RASGRP1: variants seen among roughly 807,000 people sequenced by gnomAD.
RASGRP1 encodes RAS guanyl releasing protein 1.
Under a neutral mutation model 95.1 loss-of-function variants are expected in RASGRP1, and 37 were observed. The ratio of observed to expected loss-of-function variants is 0.39; its 90% CI spans 0.30 to 0.51. RASGRP1 has a LOEUF of 0.51. Ranked by LOEUF, RASGRP1 falls within the 20% of genes least tolerant of loss-of-function variation. The probability of loss-of-function intolerance (pLI) is 0.80; values close to 1 mark genes in which losing one functional copy is unlikely to be tolerated. For synonymous variants in RASGRP1, 325 were observed against 353.4 expected (o/e 0.92, Z 0.90); for missense variants, 711 against 965.4 (o/e 0.74, Z 3.49).
At chr15:38,525,683 T>A (rs747569189) in intron 3 of RASGRP1, among the ~76,000 whole-genome samples, 3 of 152,172 alleles carry the variant, frequency 2.0e-5, no homozygotes, top group Non-Finnish European at 4.4e-5. Flanking sequence ...TGCTAAACGG[T>A]CTCACTCCGC....
At chr15:38,534,925 C>T (rs564511831) in intron 2 of RASGRP1, among the ~76,000 whole-genome samples, 1 of 152,282 alleles carries the variant, frequency 6.6e-6, no homozygotes, top group Admixed American at 6.5e-5. Context: ...TCTAGGTACA[C>T]AGGAACAGAC....
At chr15:38,519,081 T>C (rs181520890) in intron 4 of RASGRP1, among the ~76,000 whole-genome samples, 1 of 152,344 alleles carries the variant, frequency 6.6e-6, no homozygotes, top group African/African-American at 2.4e-5. Flanking sequence ...CCTTTAATTA[T>C]TTCTGTATTC....
rs1450643092 is a variant in RASGRP1 at position 38,541,213 on chromosome 15, C to T, written c.221-14809G>A. 5.9e-5 allele frequency among the ~76,000 whole-genome samples: 9 copies of T among 152,220 alleles called. No individual in the cohort carries two copies. The South Asian group carries it at 6.2e-4, about 11-fold the overall frequency. On this transcript the variant is annotated intron_variant, in intron 2 of 16. Coordinates refer to ENST00000310803, the MANE Select transcript of RASGRP1 (RefSeq NM_005739.4). ...TTTTGAGGTGGGTAGGGACTGTATC[C>T]ACTTTACCGACAATAAAAGCATAAA...
intron 8 of RASGRP1, among the ~76,000 whole-genome samples, chr15:38,510,329 G>T (rs1054806874): frequency 1.3e-5 from 2 of 152,240 alleles, no homozygotes; most frequent in Non-Finnish European, 2.9e-5. Context: ...GTTCCACCTG[G>T]TTTCAGCAGA....
At chr15:38,540,923 T>A (rs1461808552) in intron 2 of RASGRP1, among the ~76,000 whole-genome samples, 1 of 152,230 alleles carries the variant, frequency 6.6e-6, no homozygotes, top group African/African-American at 2.4e-5. Flanking sequence ...TATTCTGAGT[T>A]TCCTTAGGAC....
chr15:38,535,659 C>A (rs1014153623), intron 2 of RASGRP1, among the ~76,000 whole-genome samples: 1 of 152,198 alleles, frequency 6.6e-6, no homozygotes, highest in Non-Finnish European at 1.5e-5. Context: ...AGAAACGCTC[C>A]TCCCTGGGCC....
At chr15:38,492,944 C>G (rs1890648799) in intron 16 of RASGRP1, among the ~76,000 whole-genome samples, 1 of 151,434 alleles carries the variant, frequency 6.6e-6, no homozygotes, top group South Asian at 2.1e-4. Context: ...GCAGTGGTGC[C>G]ATTTCGGCTC....
chr15:38,495,501 G>GTGAT lies in RASGRP1; in HGVS notation c.1874-738_1874-735dup, dbSNP rs573390927. On this transcript the variant is annotated intron_variant, in intron 15 of 16. Transcript: ENST00000310803. Reference sequence around the variant, plus strand: ...GTTTACTTTTTGGAAAGACTCAGCAGTGATTAAAACATTGGATAGTCTGAC... The same window carrying GTGAT: ...GTTTACTTTTTGGAAAGACTCAGCAGTGATTGATTAAAACATTGGATAGTCTGAC... 1.1e-3 allele frequency among the ~76,000 whole-genome samples: 161 copies of GTGAT among 152,274 alleles called. 1 individual carries two copies. The highest frequency in any genetic ancestry group is 3.6e-3 in the African/African-American group (150 of 41,536).
rs749901952 is a variant in RASGRP1, at chr15:38,511,727, CACAGAAG to C, written c.850-14_850-8del. 1 of 1,604,650 alleles carries C rather than the reference CACAGAAG, an allele frequency of 6.2e-7. No homozygotes were observed. The highest frequency in any genetic ancestry group is 8.5e-7 in the Non-Finnish European group (1 of 1,171,614). On this transcript the variant is annotated splice_polypyrimidine_tract_variant and splice_region_variant and intron_variant, in intron 7 of 16. Coordinates refer to ENST00000310803, the MANE Select transcript of RASGRP1 (RefSeq NM_005739.4). ...TCTGTAGTTGGTGGAGCTTCTGTGACACAGAAGACAGATGACAGCAGAGTCACTGTAC... is the reference window on the plus strand; with the variant it reads ...TCTGTAGTTGGTGGAGCTTCTGTGACACAGATGACAGCAGAGTCACTGTAC...
intron 5 of RASGRP1, 75 bp from the exon 6 acceptor site, chr15:38,516,425 A>G (rs1891788879): frequency 2.0e-6 from 3 of 1,497,658 alleles, no homozygotes; most frequent in Non-Finnish European, 1.9e-6. Flanking sequence ...ATCCATTAAC[A>G]TTTCTCACAA....
chr15:38,503,453 C>A (rs1482482039), intron 10 of RASGRP1, 77 bp from the exon 11 acceptor site: 3 of 1,095,838 alleles, frequency 2.7e-6, no homozygotes, highest in Non-Finnish European at 4.1e-6. Context: ...TTTCCCACTA[C>A]CTGACGGTTA....
At chr15:38,545,004 G>C (rs1301576510) in intron 2 of RASGRP1, among the ~76,000 whole-genome samples, 1 of 152,134 alleles carries the variant, frequency 6.6e-6, no homozygotes, top group African/African-American at 2.4e-5. Flanking sequence ...TTCTCCTTTT[G>C]ATGTTTAATT....
At chr15:38,541,813 C>T (rs1227716104) in intron 2 of RASGRP1, among the ~76,000 whole-genome samples, 6 of 152,102 alleles carry the variant, frequency 3.9e-5, no homozygotes. Flanking sequence ...GAAGAAGCTA[C>T]AGGCAATACT....
At chr15:38,517,188 G>T (rs756656536) in intron 5 of RASGRP1, among the ~76,000 whole-genome samples, 7 of 152,084 alleles carry the variant, frequency 4.6e-5, no homozygotes, top group Non-Finnish European at 1.0e-4. Context: ...ACTGCAAAAG[G>T]AAAGTTTAAC....
chr15:38,541,489 G>C (rs577044325), intron 2 of RASGRP1, among the ~76,000 whole-genome samples: 83 of 152,320 alleles, frequency 5.4e-4, no homozygotes, highest in African/African-American at 1.9e-3. Context: ...CTATTTGGGA[G>C]GCTGAGGTAA....
intron 15 of RASGRP1, among the ~76,000 whole-genome samples, chr15:38,498,034 G>A (rs182491513): frequency 1.3e-5 from 2 of 152,236 alleles, no homozygotes; most frequent in Non-Finnish European, 2.9e-5. Flanking sequence ...TAATGGCTTG[G>A]GGTTCCTCTC....
At chr15:38,502,106 C>T (rs764191251) in intron 12 of RASGRP1, among the ~76,000 whole-genome samples, 6 of 152,114 alleles carry the variant, frequency 3.9e-5, no homozygotes, top group South Asian at 2.1e-4. Context: ...CTGCCCACCT[C>T]GGCCTCCCAA....
intron 4 of RASGRP1, 133 bp downstream of exon 4, chr15:38,519,176 G>A: frequency 1.8e-6 from 1 of 553,298 alleles, no homozygotes; most frequent in Non-Finnish European, 3.0e-6. Flanking sequence ...AAAATTCACT[G>A]TTATGAAGGA....
intron 2 of RASGRP1, among the ~76,000 whole-genome samples, chr15:38,554,531 G>A (rs1241036251): frequency 6.6e-6 from 1 of 152,156 alleles, no homozygotes. Context: ...ACACTGCCAA[G>A]CAGGAGAGCA....
Sources: allele counts gnomAD v4.1 joint callset (sites outside exome capture counted in the v4.1 genomes callset), GRCh38; gene constraint gnomAD v4.1.1; transcripts MANE v1.5; gene names NCBI Gene and HGNC (gene_info 2026-07-23, HGNC 2026-07-21).